Variants in LINGO2 observed in about 807,000 individuals in gnomAD.
LINGO2 encodes leucine-rich repeat and immunoglobulin-like domain-containing nogo receptor-interacting protein 2.
A neutral mutation model predicts 30.6 loss-of-function variants in LINGO2; 14 were observed. The observed-to-expected ratio is 0.46, with a 90% CI of 0.30 to 0.72. LINGO2 has a LOEUF of 0.72. Among genes scored for constraint, LINGO2 ranks in the 30% least tolerant of loss-of-function variants. LINGO2 has a pLI of 0.07. For synonymous variants in LINGO2, 317 were observed against 288.5 expected, an observed-to-expected ratio of 1.10 and a Z score of -1.00; for missense variants, 729 against 751.7, an observed-to-expected ratio of 0.97 and a Z score of 0.35.
chr9:28,714,235 C>G, the LINGO2 span, among the ~76,000 whole-genome samples: 1 of 143,916 alleles, frequency 6.9e-6, no homozygotes, highest in Non-Finnish European at 1.5e-5. Flanking sequence ...ATATATATAT[C>G]TCTCTCCACT....
At chr9:28,024,515 G>C (rs906117591) in intron 4 of LINGO2, among the ~76,000 whole-genome samples, 1 of 152,158 alleles carries the variant, frequency 6.6e-6, no homozygotes, top group South Asian at 2.1e-4. Context: ...TGATGGAACA[G>C]GGCCAGTAGC....
chr9:28,318,280 G>T (rs929213421), intron 3 of LINGO2, among the ~76,000 whole-genome samples: 2 of 152,082 alleles, frequency 1.3e-5, no homozygotes, highest in East Asian at 3.9e-4. Flanking sequence ...TTGTAAATTA[G>T]CACTTGAAAA....
At chr9:28,181,906 C>T (rs951228184) in intron 4 of LINGO2, among the ~76,000 whole-genome samples, 1 of 152,044 alleles carries the variant, frequency 6.6e-6, no homozygotes, top group Non-Finnish European at 1.5e-5. Context: ...TTTATAAATT[C>T]AATGCTATTT....
the LINGO2 span, among the ~76,000 whole-genome samples, chr9:28,759,590 G>C: frequency 6.6e-6 from 1 of 151,870 alleles, no homozygotes; most frequent in African/African-American, 2.4e-5. Context: ...GCTGAGGCAG[G>C]AGAATGGCGT....
the LINGO2 span, among the ~76,000 whole-genome samples, chr9:29,207,444 TTA>T: frequency 6.6e-6 from 1 of 152,062 alleles, no homozygotes; most frequent in East Asian, 1.9e-4. Flanking sequence ...CAAAATCCTC[TTA>T]TGTCGTCCAA....
intron 3 of LINGO2, among the ~76,000 whole-genome samples, chr9:28,322,120 A>G (rs1289850416): frequency 6.6e-6 from 1 of 152,104 alleles, no homozygotes; most frequent in Non-Finnish European, 1.5e-5. Context: ...CTTGAGACAC[A>G]TGGGTTTTTT....
intron 3 of LINGO2, among the ~76,000 whole-genome samples, chr9:28,342,596 C>G (rs1452315269): frequency 6.6e-6 from 1 of 150,580 alleles, no homozygotes; most frequent in Non-Finnish European, 1.5e-5. Context: ...CAATATTAGA[C>G]TTCAATTCTA....
intron 4 of LINGO2, among the ~76,000 whole-genome samples, chr9:28,043,713 C>A (rs1483213384): frequency 1.3e-5 from 2 of 152,126 alleles, no homozygotes; most frequent in Admixed American, 6.5e-5. Flanking sequence ...TCATCTACCA[C>A]CTTTCTTGTC....
chr9:28,847,793 T>C, the LINGO2 span, among the ~76,000 whole-genome samples: 18 of 98,064 alleles, frequency 1.8e-4, no homozygotes, highest in African/African-American at 6.6e-4. Flanking sequence ...TATATACACA[T>C]ATATGTATAG....
the LINGO2 span, among the ~76,000 whole-genome samples, chr9:29,083,017 C>G: frequency 2.4e-4 from 36 of 152,268 alleles, no homozygotes; most frequent in Admixed American, 6.5e-4. Flanking sequence ...TTGTGGAAGT[C>G]AGTGTGGCGA....
chr9:28,479,837 C>A (rs1165803449), intron 1 of LINGO2, among the ~76,000 whole-genome samples: 1 of 115,852 alleles, frequency 8.6e-6, no homozygotes, highest in African/African-American at 3.2e-5. Context: ...CTACTGGAAC[C>A]ATGTCATCTG....
chr9:28,307,738 G>C (rs1040598636), intron 3 of LINGO2, among the ~76,000 whole-genome samples: 3 of 152,068 alleles, frequency 2.0e-5, no homozygotes, highest in African/African-American at 7.2e-5. Flanking sequence ...AAATTCTCAG[G>C]ATACAAAATC....
At position 28,111,333 on chromosome 9, in the gene LINGO2, C is replaced by T. The variant is rs150159620; in HGVS notation, c.-86-98928G>A. 4.3e-3 allele frequency among the ~76,000 whole-genome samples: 652 copies of T among 151,868 alleles called. 10 individuals carry two copies. The highest frequency in any genetic ancestry group is 0.015 in the African/African-American group (621 of 41,376). On this transcript the variant is annotated intron_variant, in intron 4 of 5. Transcript: ENST00000379992. ...ATGGATTGATAGGTGGAGCAAACCA[C>T]TATGACGCATGTATACCTATGTAAC...
chr9:28,694,470 C>A, the LINGO2 span, among the ~76,000 whole-genome samples: 13 of 151,996 alleles, frequency 8.6e-5, no homozygotes, highest in African/African-American at 2.9e-4. Flanking sequence ...CACGACATCT[C>A]CTGTCTCCCA....
chr9:28,161,336 T>C (rs117882869), intron 4 of LINGO2, among the ~76,000 whole-genome samples: 1 of 152,074 alleles, frequency 6.6e-6, no homozygotes, highest in Non-Finnish European at 1.5e-5. Flanking sequence ...AGGAAAATAA[T>C]GGTTGGCAAT....
At chr9:28,347,363 G>A (rs2134419676) in intron 3 of LINGO2, among the ~76,000 whole-genome samples, 1 of 152,184 alleles carries the variant, frequency 6.6e-6, no homozygotes, top group East Asian at 1.9e-4. Context: ...CTGAGTAAAA[G>A]GAAGAGATAT....
chr9:28,199,559 C>T (rs777312471), intron 4 of LINGO2, among the ~76,000 whole-genome samples: 9 of 151,978 alleles, frequency 5.9e-5, no homozygotes, highest in Non-Finnish European at 1.3e-4. Flanking sequence ...AGGATGGCCT[C>T]GATCTCCTGA....
chr9:28,470,042 G>T (rs544915657), intron 2 of LINGO2, among the ~76,000 whole-genome samples: 5 of 152,188 alleles, frequency 3.3e-5, no homozygotes, highest in Admixed American at 6.5e-5. Flanking sequence ...TTATGTATAT[G>T]TATATATAGA....
At chr9:28,609,885 C>T (rs1392449596) in intron 1 of LINGO2, among the ~76,000 whole-genome samples, 1 of 152,114 alleles carries the variant, frequency 6.6e-6, no homozygotes, top group Non-Finnish European at 1.5e-5. Context: ...CAAAATATGT[C>T]TGCATAAAAT....
Sources: allele counts gnomAD v4.1 joint callset (sites outside exome capture counted in the v4.1 genomes callset), GRCh38; gene constraint gnomAD v4.1.1; transcripts MANE v1.5; gene names NCBI Gene and HGNC (gene_info 2026-07-23, HGNC 2026-07-21).